Variants in LSAMP observed in about 807,000 individuals in gnomAD.
LSAMP encodes the protein limbic system associated membrane protein, also known as limbic system-associated membrane protein.
Under a neutral mutation model 38.6 loss-of-function variants are expected in LSAMP, and 7 were observed. That is an observed-to-expected ratio of 0.18 (90% CI 0.10 to 0.34). The LOEUF (loss-of-function observed/expected upper bound fraction) is 0.34, where lower values mean the gene tolerates loss of function less well. Among genes scored for constraint, LSAMP ranks in the 10% least tolerant of loss-of-function variants. The pLI, the probability that LSAMP is intolerant of heterozygous loss-of-function variation, is 1.00. For synonymous variants in LSAMP, 154 were observed against 166.8 expected, an observed-to-expected ratio of 0.92 and a Z score of 0.59; for missense variants, 313 against 420.0, an observed-to-expected ratio of 0.75 and a Z score of 2.23.
intron 6 of LSAMP, among the ~76,000 whole-genome samples, chr3:115,836,335 G>A (rs959838514): frequency 4.6e-5 from 7 of 152,202 alleles, no homozygotes; most frequent in Admixed American, 1.3e-4. Flanking sequence ...TATTCTTTGA[G>A]CATTATTCTG....
At chr3:115,823,395 A>G (rs527849659) in intron 6 of LSAMP, among the ~76,000 whole-genome samples, 3 of 152,374 alleles carry the variant, frequency 2.0e-5, no homozygotes, top group South Asian at 2.1e-4. Flanking sequence ...TTCTGAGAGC[A>G]TGGAAAAATA....
chr3:116,428,840 A>G (rs999148845), intron 1 of LSAMP, among the ~76,000 whole-genome samples: 1 of 152,200 alleles, frequency 6.6e-6, no homozygotes, highest in African/African-American at 2.4e-5. Context: ...TAATATCCAT[A>G]GATGTTTCCA....
At chr3:116,009,363 T>C (rs1227793353) in intron 3 of LSAMP, among the ~76,000 whole-genome samples, 1 of 152,114 alleles carries the variant, frequency 6.6e-6, no homozygotes, top group East Asian at 1.9e-4. Context: ...AATAAGATTC[T>C]TCAGATCATT....
chr3:116,095,552 C>G (rs921360942), intron 1 of LSAMP, among the ~76,000 whole-genome samples: 1 of 152,198 alleles, frequency 6.6e-6, no homozygotes. Flanking sequence ...CCGGCACCAT[C>G]TGTATTCCTA....
chr3:115,952,329 A>G (rs1938318447), intron 3 of LSAMP, among the ~76,000 whole-genome samples: 2 of 152,226 alleles, frequency 1.3e-5, no homozygotes, highest in African/African-American at 2.4e-5. Flanking sequence ...ATGCCCATCA[A>G]CCAATGAGTG....
At chr3:116,349,494 C>T (rs1295285071) in intron 1 of LSAMP, among the ~76,000 whole-genome samples, 1 of 148,814 alleles carries the variant, frequency 6.7e-6, no homozygotes, top group Non-Finnish European at 1.5e-5. Context: ...TACACACACA[C>T]ACACACACTC....
At chr3:116,124,596 A>G (rs1354114040) in intron 1 of LSAMP, among the ~76,000 whole-genome samples, 1 of 152,220 alleles carries the variant, frequency 6.6e-6, no homozygotes, top group Non-Finnish European at 1.5e-5. Context: ...TTAAAAGTAA[A>G]TTACAGTTTG....
chr3:115,962,120 C>T (rs1054786966), intron 3 of LSAMP, among the ~76,000 whole-genome samples: 1 of 152,176 alleles, frequency 6.6e-6, no homozygotes, highest in Non-Finnish European at 1.5e-5. Flanking sequence ...CCTTAATGAT[C>T]GACTTGCCCA....
intron 3 of LSAMP, among the ~76,000 whole-genome samples, chr3:115,862,807 C>T (rs529694711): frequency 6.6e-6 from 1 of 152,328 alleles, no homozygotes; most frequent in South Asian, 2.1e-4. Context: ...TGCTTACCAG[C>T]ACCCCTCAAT....
chr3:115,930,001 A>AGTTTTTTTTTT (rs1346796353), intron 3 of LSAMP, among the ~76,000 whole-genome samples: 1 of 25,336 alleles, frequency 3.9e-5, no homozygotes, highest in African/African-American at 7.9e-5. Flanking sequence ...ATTTAGCAGA[A>AGTTTTTTTTTT]GTTTTTTTTT....
chr3:116,091,710 C>T (rs1446219006), intron 1 of LSAMP, among the ~76,000 whole-genome samples: 1 of 152,148 alleles, frequency 6.6e-6, no homozygotes, highest in African/African-American at 2.4e-5. Flanking sequence ...ATTTCAAAAA[C>T]CTGTTAGTGT....
chr3:116,297,541 T>C (rs2047352809), intron 1 of LSAMP, among the ~76,000 whole-genome samples: 1 of 152,216 alleles, frequency 6.6e-6, no homozygotes, highest in Non-Finnish European at 1.5e-5. Context: ...CCATATTTTC[T>C]ATTGACTTGA....
intron 1 of LSAMP, among the ~76,000 whole-genome samples, chr3:116,335,777 T>A (rs1486806517): frequency 6.6e-6 from 1 of 152,086 alleles, no homozygotes; most frequent in African/African-American, 2.4e-5. Flanking sequence ...AATTATTTAA[T>A]ACAAATCCTG....
chr3:116,147,802 T>C (rs1392981981), intron 1 of LSAMP, among the ~76,000 whole-genome samples: 3 of 151,964 alleles, frequency 2.0e-5, no homozygotes, highest in African/African-American at 7.2e-5. Flanking sequence ...GTTAGTCAGA[T>C]GGTGTCATGA....
intron 6 of LSAMP, among the ~76,000 whole-genome samples, chr3:115,825,994 T>A (rs1163609057): frequency 6.6e-6 from 1 of 152,206 alleles, no homozygotes; most frequent in Admixed American, 6.5e-5. Context: ...ATTTAAAAAA[T>A]TTATTAGGCT....
At chr3:115,981,862 T>C (rs1329791290) in intron 3 of LSAMP, among the ~76,000 whole-genome samples, 1 of 152,174 alleles carries the variant, frequency 6.6e-6, no homozygotes, top group East Asian at 1.9e-4. Context: ...CCACCTTCCT[T>C]TGAATGTTCT....
At chr3:115,905,041 G>T (rs889440266) in intron 3 of LSAMP, among the ~76,000 whole-genome samples, 1 of 152,086 alleles carries the variant, frequency 6.6e-6, no homozygotes, top group Non-Finnish European at 1.5e-5. Context: ...TCCAGCACAT[G>T]GCTGGCACAT....
chr3:115,975,842 CA>C, intron 3 of LSAMP, among the ~76,000 whole-genome samples: 1 of 152,286 alleles, frequency 6.6e-6, no homozygotes, highest in African/African-American at 2.4e-5. Context: ...ACCATCCACA[CA>C]GCCATTTTTA....
At chr3:116,424,905 C>T (rs947855591) in intron 1 of LSAMP, among the ~76,000 whole-genome samples, 5 of 151,186 alleles carry the variant, frequency 3.3e-5, no homozygotes, top group African/African-American at 1.2e-4. Flanking sequence ...AGATTAAATA[C>T]TGTAAATCAC....
Sources: gnomAD v4.1 joint callset for allele counts (sites outside exome capture counted in the v4.1 genomes callset) on GRCh38, gnomAD v4.1.1 for gene constraint, MANE v1.5 for transcripts, NCBI Gene and HGNC (gene_info 2026-07-23, HGNC 2026-07-21) for gene names.